The following CUX2 variants were observed in gnomAD, a reference collection of about 807,000 sequenced individuals.
CUX2 encodes cut like homeobox 2, also known as homeobox protein cut-like 2.
CUX2 carries 40 observed loss-of-function variants against 144.8 expected under a neutral mutation model. The observed-to-expected ratio is 0.28, with a 90% confidence interval of 0.21 to 0.36. The LOEUF is 0.36. Ranked by LOEUF, CUX2 falls within the 10% of genes least tolerant of loss-of-function variation. The pLI, the probability that CUX2 is intolerant of heterozygous loss-of-function variation, is 1.00. For missense variants in CUX2, 1,615 were observed against 1,994.0 expected (o/e 0.81, Z 3.62); for synonymous variants, 827 against 875.6 (o/e 0.94, Z 0.98).
At chr12:111,317,823 C>T (rs1161342350) in intron 16 of CUX2, among the ~76,000 whole-genome samples, 1 of 151,834 alleles carries the variant, frequency 6.6e-6, no homozygotes, top group Non-Finnish European at 1.5e-5. Flanking sequence ...TGGTGAAACC[C>T]GATCTCTACT....
chr12:111,291,291 G>T (rs960081858), intron 4 of CUX2, 127 bp from the exon 5 acceptor site: 8 of 1,177,274 alleles, frequency 6.8e-6, no homozygotes, highest in African/African-American at 3.1e-5. Context: ...GAAAGTCCAT[G>T]CTACTTCCTG....
At chr12:111,326,752 A>G (rs147459200) in intron 18 of CUX2, among the ~76,000 whole-genome samples, 10,026 of 152,028 alleles carry the variant, frequency 0.066, 394 homozygotes, top group African/African-American at 0.11. Flanking sequence ...AAAAGTACAA[A>G]AATTAGCCGG....
At chr12:111,095,652 C>T (rs544727306) in intron 1 of CUX2, among the ~76,000 whole-genome samples, 4 of 152,018 alleles carry the variant, frequency 2.6e-5, no homozygotes, top group South Asian at 2.1e-4. Flanking sequence ...GCAGTGCTCC[C>T]CTCCTTGAGG....
rs1884918782 is a variant in CUX2 at position 111,277,169 on chromosome 12, A to G, written c.301+13330A>G. Among the ~76,000 whole-genome samples, 1 of 152,044 alleles carries G rather than the reference A, an allele frequency of 6.6e-6. No individual in the cohort carries two copies. Among genetic ancestry groups the G allele is most frequent in the Non-Finnish European group, 1.5e-5 (1 of 67,986 alleles). On this transcript the variant is annotated intron_variant, in intron 4 of 21. Transcript: ENST00000261726. The surrounding 1 kb of genome is among the most constrained non-coding windows in gnomAD (Gnocchi z 5.0). ...AGGGATGAAGCCCAGAAACTCACAT[A>G]TGGAGGGCCGCAGCCCACTCTGAAC... is the stretch of plus-strand genomic sequence containing the variant.
chr12:111,284,559 C>T (rs1289169777), intron 4 of CUX2, among the ~76,000 whole-genome samples: 1 of 152,200 alleles, frequency 6.6e-6, no homozygotes, highest in African/African-American at 2.4e-5. Flanking sequence ...TTAGGTTTCA[C>T]ATCTTCATAG....
chr12:111,222,425 C>T (rs1220810336), intron 3 of CUX2, among the ~76,000 whole-genome samples: 1 of 152,192 alleles, frequency 6.6e-6, no homozygotes, highest in East Asian at 1.9e-4. Context: ...TTTTCTTTTT[C>T]TCTGCCGCCT....
At chr12:111,330,714 T>TATATATATATATATATACATATAC (rs1888066184) in intron 18 of CUX2, among the ~76,000 whole-genome samples, 2 of 36,454 alleles carry the variant, frequency 5.5e-5, no homozygotes, top group Admixed American at 2.6e-4. Flanking sequence ...TATATATATA[T>TATATATATATATATATACATATAC]ATATATATAT....
At chr12:111,253,560 A>G (rs946018586) in intron 3 of CUX2, among the ~76,000 whole-genome samples, 3 of 152,048 alleles carry the variant, frequency 2.0e-5, no homozygotes, top group South Asian at 2.1e-4. Flanking sequence ...ACTGTCCCAC[A>G]TTCTCTTTCA....
intron 1 of CUX2, among the ~76,000 whole-genome samples, chr12:111,104,602 C>T (rs946557157): frequency 6.6e-6 from 1 of 152,202 alleles, no homozygotes; most frequent in African/African-American, 2.4e-5. Context: ...GCCCTGGTTC[C>T]TCATCTATAA....
chr12:111,191,605 C>T (rs1162253910), intron 1 of CUX2, among the ~76,000 whole-genome samples: 1 of 152,180 alleles, frequency 6.6e-6, no homozygotes, highest in Non-Finnish European at 1.5e-5. Flanking sequence ...GGATTACAGG[C>T]GTGAGCCCCC....
intron 1 of CUX2, among the ~76,000 whole-genome samples, chr12:111,158,277 G>T (rs1367049803): frequency 6.6e-6 from 1 of 151,950 alleles, no homozygotes; most frequent in Admixed American, 6.6e-5. Flanking sequence ...AAGCACCTTT[G>T]ATTTTTTGTT....
At chr12:111,323,953 C>T (rs1466321058) in intron 18 of CUX2, among the ~76,000 whole-genome samples, 1 of 152,112 alleles carries the variant, frequency 6.6e-6, no homozygotes, top group African/African-American at 2.4e-5. Flanking sequence ...AGGAGGATCG[C>T]TTAAGCCCAG....
At chr12:111,217,452 G>A (rs1289395099) in intron 2 of CUX2, among the ~76,000 whole-genome samples, 1 of 152,200 alleles carries the variant, frequency 6.6e-6, no homozygotes, top group Non-Finnish European at 1.5e-5. Context: ...TTGAAGGGCA[G>A]AAGGTTTTTA....
Position 111,228,310 on chromosome 12 carries a change from G to A in CUX2, c.222+10373G>A, listed in dbSNP as rs570838510. Among the ~76,000 whole-genome samples the A allele has an allele frequency of 1.6e-4, 24 of 152,252 alleles. 1 individual carries two copies. In the South Asian group the frequency reaches 5.0e-3, roughly 32 times the overall value. On this transcript the variant is annotated intron_variant, in intron 3 of 21. Coordinates refer to ENST00000261726, the MANE Select transcript of CUX2 (RefSeq NM_015267.4). The stretch of plus-strand genomic sequence containing the variant: ...TAGTCATCCCTCAGTATATGCAGGG[G>A]ATTGGTTCCAGGACCTGCCCCATAC...
Position 111,319,933 on chromosome 12 carries a change from C to A in CUX2, c.2003-79C>A. The A allele has an allele frequency of 1.1e-5, 16 of 1,402,952 alleles. 1 individual carries two copies. In the South Asian group the frequency reaches 2.3e-4, roughly 21 times the overall value. The allele number at this position is 1,402,952 out of a possible 1,614,324, so 86.9% of individuals were successfully genotyped here. A position where few individuals can be genotyped will look rare whatever the true frequency, so the allele number is the denominator to read the frequency against. ...TGCCTGGACACCGTGCTGGCATCAA[C>A]AGGGATGCTGTGAACATCGTCCCCT... On this transcript the variant is annotated intron_variant, in intron 16 of 21. Coordinates refer to ENST00000261726, the MANE Select transcript of CUX2 (RefSeq NM_015267.4).
At chr12:111,038,714 C>T (rs9668662) in intron 1 of CUX2, among the ~76,000 whole-genome samples, 11,401 of 152,314 alleles carry the variant, frequency 0.075, 1,411 homozygotes, top group African/African-American at 0.26. Flanking sequence ...CGGGCTCTCT[C>T]TTTGAATGCT....
intron 1 of CUX2, among the ~76,000 whole-genome samples, chr12:111,173,365 G>T (rs918933013): frequency 1.3e-5 from 2 of 152,240 alleles, no homozygotes; most frequent in African/African-American, 4.8e-5. Context: ...ATGCCAGGGG[G>T]CACTTTCTTT....
At chr12:111,063,634 T>C (rs950096362) in intron 1 of CUX2, among the ~76,000 whole-genome samples, 9 of 152,314 alleles carry the variant, frequency 5.9e-5, no homozygotes, top group Admixed American at 3.3e-4. Flanking sequence ...CCTTGGGGGC[T>C]GGGGGTTCTC....
chr12:111,122,454 G>T (rs534110659), intron 1 of CUX2, among the ~76,000 whole-genome samples: 4 of 152,136 alleles, frequency 2.6e-5, no homozygotes, highest in Admixed American at 1.3e-4. Flanking sequence ...AAAACGGGAC[G>T]GGGGAGGGGA....
Sources: allele counts gnomAD v4.1 joint callset (sites outside exome capture counted in the v4.1 genomes callset), GRCh38; gene constraint gnomAD v4.1.1; non-coding constraint Gnocchi (gnomAD v3.1); transcripts MANE v1.5; gene names NCBI Gene and HGNC (gene_info 2026-07-23, HGNC 2026-07-21).